Variants in DMBX1 observed in about 807,000 individuals in gnomAD.
DMBX1 encodes the protein diencephalon/mesencephalon homeobox protein 1.
A neutral mutation model predicts 30.4 loss-of-function variants in DMBX1; 7 were observed. The ratio of observed to expected loss-of-function variants is 0.23; its 90% CI spans 0.13 to 0.43. The LOEUF (loss-of-function observed/expected upper bound fraction) is 0.43, where lower values mean the gene tolerates loss of function less well. Ranked by LOEUF, DMBX1 falls within the 20% of genes least tolerant of loss-of-function variation. The pLI, the probability that DMBX1 is intolerant of heterozygous loss-of-function variation, is 1.00. For missense variants in DMBX1, 460 were observed against 508.5 expected, an observed-to-expected ratio of 0.90 and a Z score of 0.92; for synonymous variants, 222 against 214.2, an observed-to-expected ratio of 1.04 and a Z score of -0.32.
chr1:46,507,031 C>T lies in DMBX1; in HGVS notation c.21C>T (p.Asn7=), dbSNP rs367639229. Residue 7 remains asparagine (N), a synonymous_variant, in exon 3 of 6, where the codon AAC becomes AAT. Transcript: ENST00000360032. ...CCGCCATGCAGCACTACGGGGTGAA[C>T]GGCTACTCACTGCACGCCATGAACT... MQHYGV[N]GYSLHAMNSL... The T allele has an allele frequency of 1.6e-5, 26 of 1,614,084 alleles. No individual in the cohort carries two copies. Among genetic ancestry groups the T allele is most frequent in the Middle Eastern group, 1.6e-4 (1 of 6,084 alleles).
At chr1:46,492,241 G>A (rs547467428) in intron 2 of DMBX1, among the ~76,000 whole-genome samples, 2 of 152,216 alleles carry the variant, frequency 1.3e-5, no homozygotes, top group Admixed American at 6.5e-5. Flanking sequence ...CACGGGCATC[G>A]GGTGAGTGTC....
At chr1:46,508,256 C>A (rs945159260) in intron 3 of DMBX1, among the ~76,000 whole-genome samples, 3 of 152,148 alleles carry the variant, frequency 2.0e-5, no homozygotes, top group African/African-American at 7.2e-5. Context: ...AGGAGGGTAT[C>A]CAAGGTCAAA....
chr1:46,501,266 CTTTCTCTTCT>C (rs1666131000), intron 2 of DMBX1, among the ~76,000 whole-genome samples: 2 of 118,918 alleles, frequency 1.7e-5, no homozygotes, highest in Admixed American at 1.8e-4. Flanking sequence ...TTCTTTCTTT[CTTTCTCTTCT>C]TTCTTTCTTT....
In DMBX1 at chr1:46,510,098, C is replaced by T. The variant is rs562890094; in HGVS notation, c.155-378C>T. Among the ~76,000 whole-genome samples the T allele has an allele frequency of 6.6e-6, 1 of 152,294 alleles. No individual in the cohort carries two copies. Among genetic ancestry groups the T allele is most frequent in the African/African-American group, 2.4e-5 (1 of 41,552 alleles). The stretch of plus-strand genomic sequence containing the variant: ...ATCTAAGGGCTATAGGGTCTTAGAA[C>T]TCCTGTGATATGGACTTACAGATTA... On this transcript the variant is annotated intron_variant, in intron 3 of 5. Coordinates refer to ENST00000360032, the MANE Select transcript of DMBX1 (RefSeq NM_172225.2). The surrounding 1 kb of genome is among the most constrained non-coding windows in gnomAD (Gnocchi z 4.1).
rs200899250 is a variant in DMBX1 at position 46,511,063 on chromosome 1, T to A, written c.462T>A (p.Asp154Glu). ...GEGKAEAPTP[D>E]TQLDTEQPPR... ...GCAAGGCCGAGGCCCCCACTCCAGA[T>A]ACCCAGCTGGACACTGAGCAGCCCC... The change falls in exon 5 of 6, where the codon GAT becomes GAA. Residue 154 changes from aspartate (D) to glutamate (E), a missense_variant. This residue lies in a region of DMBX1 where 334 missense variants were observed against 345.1 expected (regional missense o/e 0.97). Transcript: ENST00000360032. 391 of 1,614,066 alleles carry A rather than the reference T, an allele frequency of 2.4e-4. No homozygotes were observed. Among genetic ancestry groups the A allele is most frequent in the South Asian group, 1.7e-3 (152 of 91,078 alleles).
At chr1:46,494,362 A>G (rs57116534) in intron 2 of DMBX1, among the ~76,000 whole-genome samples, 105 of 152,278 alleles carry the variant, frequency 6.9e-4, no homozygotes, top group African/African-American at 2.4e-3. Context: ...CCCCAACATT[A>G]AGGACCTCGG....
chr1:46,501,225 T>TCTTC (rs1666124372), intron 2 of DMBX1, among the ~76,000 whole-genome samples: 1 of 72,144 alleles, frequency 1.4e-5, no homozygotes, highest in Non-Finnish European at 2.6e-5. Context: ...TTTCTTTCTT[T>TCTTC]CTTTCTTTCT....
At chr1:46,499,775 T>C (rs1020635096) in intron 2 of DMBX1, among the ~76,000 whole-genome samples, 5 of 152,234 alleles carry the variant, frequency 3.3e-5, no homozygotes, top group African/African-American at 1.2e-4. Flanking sequence ...GAGCTTAGTC[T>C]AGTCTAGTTG....
rs1432887213 is a variant in DMBX1, at chr1:46,515,390, T to TA, written c.*2897dup. 3.3e-5 allele frequency among the ~76,000 whole-genome samples: 5 copies of TA among 152,188 alleles called. No homozygotes were observed. Among genetic ancestry groups the TA allele is most frequent in the Non-Finnish European group, 5.9e-5 (4 of 68,028 alleles). ...GGAATCCAACAGCCTTAGATATCAC[T>TA]ACCTCCTCCAGGAAGCCTCCCCTGA... On this transcript the variant is annotated 3_prime_UTR_variant, in exon 6 of 6. Transcript: ENST00000360032.
At chr1:46,509,455 ACTCAAGTTCC>A (rs1366021085) in intron 3 of DMBX1, among the ~76,000 whole-genome samples, 1 of 151,988 alleles carries the variant, frequency 6.6e-6, no homozygotes, top group Non-Finnish European at 1.5e-5. Context: ...GGCTGAGATG[ACTCAAGTTCC>A]CTTCAGCACA....
chr1:46,499,746 T>C (rs1186787117), intron 2 of DMBX1, among the ~76,000 whole-genome samples: 4 of 152,190 alleles, frequency 2.6e-5, no homozygotes, highest in Non-Finnish European at 5.9e-5. Context: ...AAATGCATGA[T>C]ATAGTTTCTG....
At chr1:46,497,320 C>G (rs751492282) in intron 2 of DMBX1, among the ~76,000 whole-genome samples, 1 of 152,234 alleles carries the variant, frequency 6.6e-6, no homozygotes. Flanking sequence ...AGACTTGGCA[C>G]GTGGTAGATA....
Position 46,511,054 on chromosome 1 carries a change from C to G in DMBX1, c.453C>G (p.Pro151=). The change falls in exon 5 of 6, where the codon CCC becomes CCG. Residue 151 remains proline (P), a synonymous_variant. Coordinates refer to ENST00000360032, the MANE Select transcript of DMBX1 (RefSeq NM_172225.2). The part of the protein sequence containing the change: ...GSHGEGKAEA[P]TPDTQLDTEQ... Reference sequence around the variant, plus strand: ...ATGGGGAAGGCAAGGCCGAGGCCCCCACTCCAGATACCCAGCTGGACACTG... The same window carrying G: ...ATGGGGAAGGCAAGGCCGAGGCCCCGACTCCAGATACCCAGCTGGACACTG... 8.1e-6 allele frequency: 13 copies of G among 1,614,126 alleles called. No homozygotes were observed. Among genetic ancestry groups the G allele is most frequent in the Non-Finnish European group, 1.0e-5 (12 of 1,179,996 alleles).
intron 3 of DMBX1, among the ~76,000 whole-genome samples, chr1:46,507,617 C>G (rs1666266631): frequency 6.6e-6 from 1 of 152,202 alleles, no homozygotes; most frequent in Non-Finnish European, 1.5e-5. Context: ...GAGTCTCTCT[C>G]TTTCTGTGTG....
Position 46,512,564 on chromosome 1 carries a change from C to T in DMBX1, c.*70C>T. ...TAGCCCTGTGGTTATCCCTAGGTGG[C>T]TCTCGAGGAGTTAACTCCATGAGCC... On this transcript the variant is annotated 3_prime_UTR_variant, in exon 6 of 6. Coordinates refer to ENST00000360032, the MANE Select transcript of DMBX1 (RefSeq NM_172225.2). This position sits in a 1 kb window ranked among gnomAD's most constrained non-coding sequence, Gnocchi z 4.8. 6.6e-7 allele frequency: 1 copy of T among 1,506,368 alleles called. No individual in the cohort carries two copies. The highest frequency in any genetic ancestry group is 1.4e-5 in the African/African-American group (1 of 72,212). The allele number at this position is 1,506,368 out of a possible 1,614,324, so 93.3% of individuals were successfully genotyped here. A position where few individuals can be genotyped will look rare whatever the true frequency, so the allele number is the denominator to read the frequency against.
In DMBX1 at chr1:46,501,213, C is replaced by CCTTCCTTT. The variant is rs1179560561; in HGVS notation, c.-12-5783_-12-5782insCCTTTCTT. ...CTCTCCCTTCCTTCCTTCCTTCCTTCCTTTCTTTCTTTCTTTCTTTCTTTC... is the reference window on the plus strand; with the variant it reads ...CTCTCCCTTCCTTCCTTCCTTCCTTCCTTCCTTTCTTTCTTTCTTTCTTTCTTTCTTTC... On this transcript the variant is annotated intron_variant, in intron 2 of 5. Coordinates refer to ENST00000360032, the MANE Select transcript of DMBX1 (RefSeq NM_172225.2). Among the ~76,000 whole-genome samples, 306 of 74,524 alleles carry CCTTCCTTT rather than the reference C, an allele frequency of 4.1e-3. 1 individual carries two copies. Among genetic ancestry groups the CCTTCCTTT allele is most frequent in the East Asian group, 0.022 (47 of 2,178 alleles). 48.9% of individuals were successfully genotyped at this position (74,524 alleles called of 152,430 possible).
In DMBX1 at chr1:46,491,013, C is replaced by T. The variant is rs1156875508; in HGVS notation, c.-13+230C>T. On this transcript the variant is annotated intron_variant, in intron 2 of 5. Coordinates refer to ENST00000360032, the MANE Select transcript of DMBX1 (RefSeq NM_172225.2). This position sits in a 1 kb window ranked among gnomAD's most constrained non-coding sequence, Gnocchi z 5.5. ...ATGGCCGTAACTCAGTCGTTGACGG[C>T]GACAGGCCAGGGGCCCTGATGGACT... Among the ~76,000 whole-genome samples the T allele has an allele frequency of 6.6e-6, 1 of 152,244 alleles. No individual in the cohort carries two copies. The highest frequency in any genetic ancestry group is 1.5e-5 in the Non-Finnish European group (1 of 68,040).
intron 2 of DMBX1, among the ~76,000 whole-genome samples, chr1:46,505,493 C>T (rs55929143): frequency 0.12 from 17,398 of 140,870 alleles, 1,066 homozygotes; most frequent in East Asian, 0.18. Context: ...AGTAAACTAT[C>T]GCAAGAACAA....
intron 2 of DMBX1, among the ~76,000 whole-genome samples, chr1:46,503,450 A>ATGTGT (rs1459051219): frequency 6.6e-6 from 1 of 152,218 alleles, no homozygotes; most frequent in Admixed American, 6.5e-5. Context: ...CTTAATAAAT[A>ATGTGT]TGTGTTGGAT....
Sources: gnomAD v4.1 joint callset for allele counts (sites outside exome capture counted in the v4.1 genomes callset) on GRCh38, gnomAD v4.1.1 for gene constraint, gnomAD v4.1.1 regional missense constraint, Gnocchi (gnomAD v3.1) non-coding constraint, MANE v1.5 for transcripts, NCBI Gene and HGNC (gene_info 2026-07-23, HGNC 2026-07-21) for gene names.